Variants in DCLK1 observed in about 807,000 individuals in gnomAD.
DCLK1 encodes doublecortin like kinase 1, also known as serine/threonine-protein kinase DCLK1.
A neutral mutation model predicts 86.2 loss-of-function variants in DCLK1; 16 were observed. That is an observed-to-expected ratio of 0.19 (90% CI 0.13 to 0.28). DCLK1 has a LOEUF of 0.28. Among genes scored for constraint, DCLK1 ranks in the 10% least tolerant of loss-of-function variants. The probability of loss-of-function intolerance (pLI) is 1.00; values close to 1 mark genes in which losing one functional copy is unlikely to be tolerated. For synonymous variants in DCLK1, 369 were observed against 370.5 expected, an observed-to-expected ratio of 1.00 and a Z score of 0.05; for missense variants, 590 against 940.2, an observed-to-expected ratio of 0.63 and a Z score of 4.87.
intron 3 of DCLK1, among the ~76,000 whole-genome samples, chr13:36,092,870 T>A (rs2138141780): frequency 6.6e-6 from 1 of 152,256 alleles, no homozygotes. Flanking sequence ...TTCTATGAAT[T>A]CTACCGTCTA....
chr13:35,982,850 C>A (rs1306189627), intron 3 of DCLK1, among the ~76,000 whole-genome samples: 2 of 151,462 alleles, frequency 1.3e-5, no homozygotes, highest in Non-Finnish European at 2.9e-5. Flanking sequence ...CAACCTCTAC[C>A]TCCTGGGTTC....
intron 3 of DCLK1, among the ~76,000 whole-genome samples, chr13:35,990,388 G>A (rs1011855664): frequency 2.0e-5 from 3 of 152,030 alleles, no homozygotes; most frequent in Non-Finnish European, 2.9e-5. Flanking sequence ...CAGAGGGGGC[G>A]CTCTTTGATG....
In DCLK1 at chr13:35,770,040, G is replaced by A. The variant is rs2086302055; in HGVS notation, c.*4495C>T. On this transcript the variant is annotated 3_prime_UTR_variant, in exon 17 of 17. Coordinates refer to ENST00000360631, the MANE Select transcript of DCLK1 (RefSeq NM_001330071.2). ...CCAGAGGCATTTAAGCCTCTCCACT[G>A]AAGTTCCTGTTTCCCACCAGTTTAC... 6.6e-6 allele frequency: 1 copy of A among 152,158 alleles called. No individual in the cohort carries two copies. The highest frequency in any genetic ancestry group is 2.4e-5 in the African/African-American group (1 of 41,444). The allele number at this position is 152,158 out of a possible 1,614,324, so 9.4% of individuals were successfully genotyped here. A position where few individuals can be genotyped will look rare whatever the true frequency, so the allele number is the denominator to read the frequency against.
At chr13:36,123,733 G>A (rs556010822) in intron 2 of DCLK1, among the ~76,000 whole-genome samples, 5 of 152,356 alleles carry the variant, frequency 3.3e-5, no homozygotes, top group East Asian at 3.9e-4. Context: ...AGAATTAAAT[G>A]TATTCATATA....
intron 5 of DCLK1, among the ~76,000 whole-genome samples, chr13:35,866,716 G>A (rs555388490): frequency 2.6e-4 from 39 of 151,538 alleles, no homozygotes; most frequent in African/African-American, 9.2e-4. Context: ...GTCTAAAGAT[G>A]CTTTAACATT....
chr13:35,899,639 T>C (rs931036705), intron 4 of DCLK1, among the ~76,000 whole-genome samples: 5 of 152,308 alleles, frequency 3.3e-5, no homozygotes, highest in Admixed American at 3.3e-4. Context: ...AGTGTTAGAT[T>C]AACTTGTGCA....
chr13:35,786,575 C>T (rs2086626166), intron 16 of DCLK1, among the ~76,000 whole-genome samples: 1 of 152,100 alleles, frequency 6.6e-6, no homozygotes. Context: ...CTGGGTGCTG[C>T]CTACAGGGGC....
At chr13:35,947,252 G>C in intron 4 of DCLK1, 106 bp downstream of exon 4, 1 of 766,744 alleles carries the variant, frequency 1.3e-6, no homozygotes, top group Non-Finnish European at 2.1e-6. Flanking sequence ...GTGAGGATCT[G>C]AAACTGATTT....
At chr13:35,847,086 A>G in intron 6 of DCLK1, 1 of 983,480 alleles carries the variant, frequency 1.0e-6, no homozygotes, top group Non-Finnish European at 1.2e-6. Context: ...CACACACAAT[A>G]GAAAAAAATC....
At chr13:35,936,731 G>T (rs1471405172) in intron 4 of DCLK1, among the ~76,000 whole-genome samples, 1 of 152,124 alleles carries the variant, frequency 6.6e-6, no homozygotes, top group Non-Finnish European at 1.5e-5. Context: ...TGGAGGTAAA[G>T]GTTGCATGAG....
At position 36,102,362 on chromosome 13, in the gene DCLK1, AG is replaced by A. The variant is rs145534397; in HGVS notation, c.723+9506del. Among the ~76,000 whole-genome samples the A allele has an allele frequency of 9.3e-3, 1,414 of 152,314 alleles. 16 individuals carry two copies. Among genetic ancestry groups the A allele is most frequent in the African/African-American group, 0.032 (1,341 of 41,560 alleles). On this transcript the variant is annotated intron_variant, in intron 3 of 16. Transcript: ENST00000360631. ...AAAGATCTCTTGTAGGGGCACTCCT[AG>A]CCCTGTAATCTACTTGTTAAAGGAT... is the stretch of plus-strand genomic sequence containing the variant.
intron 5 of DCLK1, among the ~76,000 whole-genome samples, chr13:35,869,873 G>A (rs1005203467): frequency 1.3e-5 from 2 of 152,144 alleles, no homozygotes; most frequent in Admixed American, 1.3e-4. Context: ...CTAATCACCT[G>A]GAGTACTTGC....
At chr13:36,014,258 G>A (rs1881439250) in intron 3 of DCLK1, among the ~76,000 whole-genome samples, 1 of 152,196 alleles carries the variant, frequency 6.6e-6, no homozygotes, top group African/African-American at 2.4e-5. Context: ...TTTATAGAGA[G>A]CTGAAGATCA....
intron 2 of DCLK1, 44 bp downstream of exon 2, chr13:36,125,718 C>T: frequency 6.4e-7 from 1 of 1,570,442 alleles, no homozygotes; most frequent in Non-Finnish European, 8.6e-7. Flanking sequence ...AAATCTGAGC[C>T]TGGAACCTGT....
At chr13:35,839,821 G>T (rs954046823) in intron 6 of DCLK1, among the ~76,000 whole-genome samples, 5 of 152,054 alleles carry the variant, frequency 3.3e-5, no homozygotes, top group Non-Finnish European at 7.4e-5. Flanking sequence ...CAAGATCCAT[G>T]AAAGCAAACA....
At chr13:35,932,216 C>G (rs955616427) in intron 4 of DCLK1, among the ~76,000 whole-genome samples, 10 of 152,128 alleles carry the variant, frequency 6.6e-5, no homozygotes, top group African/African-American at 2.4e-4. Context: ...ACTGCTTGAG[C>G]TGGAACATCT....
chr13:35,892,136 C>T (rs1328776655), intron 4 of DCLK1, among the ~76,000 whole-genome samples: 1 of 152,000 alleles, frequency 6.6e-6, no homozygotes, highest in East Asian at 1.9e-4. Context: ...TGTGACACAC[C>T]GTGTTATGCA....
intron 6 of DCLK1, among the ~76,000 whole-genome samples, chr13:35,842,828 C>A (rs1161018512): frequency 6.6e-6 from 1 of 152,162 alleles, no homozygotes; most frequent in Non-Finnish European, 1.5e-5. Context: ...GATCTGGTCT[C>A]CTAATGTTTT....
intron 3 of DCLK1, among the ~76,000 whole-genome samples, chr13:35,980,129 A>G (rs1405226016): frequency 6.6e-6 from 1 of 152,156 alleles, no homozygotes; most frequent in African/African-American, 2.4e-5. Context: ...AATTCTTTTC[A>G]TCTTGTGAAA....
Sources: gnomAD v4.1 joint callset for allele counts (sites outside exome capture counted in the v4.1 genomes callset) on GRCh38, gnomAD v4.1.1 for gene constraint, MANE v1.5 for transcripts, NCBI Gene and HGNC (gene_info 2026-07-23, HGNC 2026-07-21) for gene names.